The following WASHC3 variants were observed in gnomAD, a reference collection of about 807,000 sequenced individuals.
WASHC3 encodes WASH complex subunit 3, also known as WASH complex subunit CCDC53.
A neutral mutation model predicts 26.1 loss-of-function variants in WASHC3; 24 were observed. The observed-to-expected ratio is 0.92, with a 90% confidence interval of 0.66 to 1.29. WASHC3 has a LOEUF of 1.29. WASHC3 is among the 50% of genes most tolerant of loss of function. The pLI is 0.00. For missense variants in WASHC3, 214 were observed against 229.6 expected (o/e 0.93, Z 0.44); for synonymous variants, 77 against 75.7 (o/e 1.02, Z -0.09).
At chr12:102,022,370 A>G (rs939456444) in intron 6 of WASHC3, among the ~76,000 whole-genome samples, 4 of 152,210 alleles carry the variant, frequency 2.6e-5, no homozygotes, top group African/African-American at 9.6e-5. Flanking sequence ...TTCATAAATC[A>G]CAACTAATAT....
At chr12:102,022,961 T>A (rs1877017950) in intron 6 of WASHC3, among the ~76,000 whole-genome samples, 1 of 152,180 alleles carries the variant, frequency 6.6e-6, no homozygotes, top group South Asian at 2.1e-4. Flanking sequence ...ACATATCTTT[T>A]TATCTCGGTG....
chr12:102,020,821 C>T (rs1187805133), intron 6 of WASHC3, among the ~76,000 whole-genome samples: 4 of 152,206 alleles, frequency 2.6e-5, no homozygotes, highest in African/African-American at 9.6e-5. Flanking sequence ...GTGGCTCACA[C>T]CTGTAATCCC....
At chr12:102,031,249 C>G (rs1456950075) in intron 5 of WASHC3, among the ~76,000 whole-genome samples, 2 of 152,118 alleles carry the variant, frequency 1.3e-5, no homozygotes, top group Non-Finnish European at 2.9e-5. Context: ...GGGGCCATGG[C>G]AAAGCATAGG....
chr12:102,035,159 T>G (rs996073945), intron 5 of WASHC3, among the ~76,000 whole-genome samples: 1 of 152,092 alleles, frequency 6.6e-6, no homozygotes, highest in African/African-American at 2.4e-5. Context: ...GGGGATATTA[T>G]CCATCTACAG....
At chr12:102,057,581 T>TA (rs1426169868) in intron 2 of WASHC3, among the ~76,000 whole-genome samples, 1 of 151,786 alleles carries the variant, frequency 6.6e-6, no homozygotes, top group East Asian at 1.9e-4. Context: ...CTGCAGGATA[T>TA]AAAATCAACA....
At chr12:102,060,342 T>G (rs2136697788) in intron 2 of WASHC3, among the ~76,000 whole-genome samples, 1 of 152,318 alleles carries the variant, frequency 6.6e-6, no homozygotes, top group East Asian at 1.9e-4. Flanking sequence ...ACACTGAGTT[T>G]CTCTGTTGTC....
At chr12:102,046,309 T>TC (rs1280903508) in intron 2 of WASHC3, among the ~76,000 whole-genome samples, 190 bp from the exon 3 acceptor site, 1 of 152,076 alleles carries the variant, frequency 6.6e-6, no homozygotes, top group African/African-American at 2.4e-5. Context: ...AGTTTCTTTT[T>TC]TTTTTGGGAC....
At chr12:102,038,699 T>G (rs765466205) in intron 5 of WASHC3, among the ~76,000 whole-genome samples, 62 of 152,150 alleles carry the variant, frequency 4.1e-4, no homozygotes, top group Non-Finnish European at 6.9e-4. Context: ...TCTGGTTTAT[T>G]TTTTTCTAAA....
At chr12:102,046,033 A>G (rs745506157) in intron 3 of WASHC3, 21 bp downstream of exon 3, 1 of 1,451,426 alleles carries the variant, frequency 6.9e-7, no homozygotes, top group South Asian at 1.2e-5. Flanking sequence ...TTTATACTAC[A>G]AATTATTGAG....
At chr12:102,034,738 G>C (rs1877578739) in intron 5 of WASHC3, among the ~76,000 whole-genome samples, 1 of 151,236 alleles carries the variant, frequency 6.6e-6, no homozygotes, top group Non-Finnish European at 1.5e-5. Flanking sequence ...AAATTATTAG[G>C]AGGAAAATGT....
In WASHC3 at chr12:102,061,317, C is replaced by T; in HGVS notation, c.81G>A (p.Val27=). 1 of 1,613,694 alleles carries T rather than the reference C, an allele frequency of 6.2e-7. No homozygotes were observed. Among genetic ancestry groups the T allele is most frequent in the African/African-American group, 1.3e-5 (1 of 75,004 alleles). The change falls in exon 2 of 7, where the codon GTG becomes GTA. Residue 27 remains valine (V), a synonymous_variant. Coordinates refer to ENST00000240079, the MANE Select transcript of WASHC3 (RefSeq NM_016053.4). The part of the protein sequence containing the change: ...KVPAIQQKRT[V]AFLNQFVVHT... ...GCACCACAAATTGGTTTAGAAAAGC[C>T]ACCGTTCTTTTCTGTTGAATAGCTG...
chr12:102,059,853 T>C (rs1243906643), intron 2 of WASHC3: 2 of 152,184 alleles, frequency 1.3e-5, no homozygotes, highest in Non-Finnish European at 2.9e-5. Flanking sequence ...CAATTTTATA[T>C]CCTAAATTAT....
chr12:102,030,477 CAATT>C (rs771802742), intron 5 of WASHC3, among the ~76,000 whole-genome samples: 1 of 151,704 alleles, frequency 6.6e-6, no homozygotes, highest in Non-Finnish European at 1.5e-5. Context: ...GAAGAAATAT[CAATT>C]AATTTAAATA....
At chr12:102,046,722 CTACTG>C (rs1442980672) in intron 2 of WASHC3, among the ~76,000 whole-genome samples, 1 of 152,174 alleles carries the variant, frequency 6.6e-6, no homozygotes, top group Non-Finnish European at 1.5e-5. Context: ...CTTTTGTTTA[CTACTG>C]TACCTTTAGT....
intron 2 of WASHC3, among the ~76,000 whole-genome samples, chr12:102,047,061 A>G (rs572764295): frequency 6.6e-6 from 1 of 152,354 alleles, no homozygotes; most frequent in South Asian, 2.1e-4. Context: ...GTTACTCTGT[A>G]TAATTAAATT....
intron 3 of WASHC3, among the ~76,000 whole-genome samples, chr12:102,044,945 G>T (rs886625813): frequency 6.6e-6 from 1 of 152,008 alleles, no homozygotes; most frequent in East Asian, 1.9e-4. Flanking sequence ...GCTAACTTTG[G>T]GGATGACTCT....
chr12:102,048,552 A>G (rs1206084608), intron 2 of WASHC3, among the ~76,000 whole-genome samples: 5 of 151,966 alleles, frequency 3.3e-5, no homozygotes, highest in Non-Finnish European at 5.9e-5. Flanking sequence ...GCGACGAGTG[A>G]GACTCCGTCT....
chr12:102,014,783 T>G (rs530965400), intron 6 of WASHC3, among the ~76,000 whole-genome samples: 1 of 152,174 alleles, frequency 6.6e-6, no homozygotes, highest in Non-Finnish European at 1.5e-5. Context: ...TCCTCCCTTT[T>G]CATTAGAAGC....
chr12:102,014,276 T>C (rs916666596), intron 6 of WASHC3, among the ~76,000 whole-genome samples: 2 of 151,914 alleles, frequency 1.3e-5, no homozygotes, highest in African/African-American at 4.8e-5. Context: ...TTTCACCATG[T>C]TGGCCAGGAT....
Sources: gnomAD v4.1 joint callset for allele counts (sites outside exome capture counted in the v4.1 genomes callset) on GRCh38, gnomAD v4.1.1 for gene constraint, MANE v1.5 for transcripts, NCBI Gene and HGNC (gene_info 2026-07-23, HGNC 2026-07-21) for gene names.